MACROD2: variants seen among roughly 807,000 people sequenced by gnomAD.
The protein encoded by MACROD2 is ADP-ribose glycohydrolase MACROD2.
MACROD2 carries 36 observed loss-of-function variants against 70.4 expected under a neutral mutation model. The ratio of observed to expected loss-of-function variants is 0.51; its 90% CI spans 0.39 to 0.68. The LOEUF (loss-of-function observed/expected upper bound fraction) is 0.68. Among genes scored for constraint, MACROD2 ranks in the 30% least tolerant of loss-of-function variants. The probability of loss-of-function intolerance (pLI) is 0.00; values close to 1 mark genes in which losing one functional copy is unlikely to be tolerated. For missense variants in MACROD2, 496 were observed against 538.4 expected (o/e 0.92, Z 0.78); for synonymous variants, 172 against 178.8 (o/e 0.96, Z 0.30).
chr20:15,058,579 G>C (rs530140790), intron 5 of MACROD2, among the ~76,000 whole-genome samples: 3 of 152,156 alleles, frequency 2.0e-5, no homozygotes, highest in African/African-American at 7.2e-5. Context: ...GGCAACTGTA[G>C]GTAGAAGATG....
intron 3 of MACROD2, among the ~76,000 whole-genome samples, chr20:14,282,665 T>G (rs2327844): frequency 0.15 from 22,482 of 152,172 alleles, 2,220 homozygotes; most frequent in South Asian, 0.34. Context: ...GGAAGCGTGG[T>G]GCTGGCACTC....
At chr20:15,387,244 C>A (rs1329438182) in intron 6 of MACROD2, among the ~76,000 whole-genome samples, 1 of 152,004 alleles carries the variant, frequency 6.6e-6, no homozygotes, top group African/African-American at 2.4e-5. Context: ...TAGAGCAGAA[C>A]CTAAAGTCAC....
At chr20:15,760,569 C>G (rs1266021634) in intron 8 of MACROD2, among the ~76,000 whole-genome samples, 1 of 152,144 alleles carries the variant, frequency 6.6e-6, no homozygotes, top group African/African-American at 2.4e-5. Flanking sequence ...TCCTTGCTTC[C>G]CACTGCGGAA....
chr20:14,616,242 A>C (rs1338978942), intron 4 of MACROD2, among the ~76,000 whole-genome samples: 1 of 152,112 alleles, frequency 6.6e-6, no homozygotes, highest in Non-Finnish European at 1.5e-5. Context: ...GTACTAGGCA[A>C]AGCTATGAAA....
At chr20:15,058,580 G>GTAGA (rs745769403) in intron 5 of MACROD2, among the ~76,000 whole-genome samples, 1 of 152,158 alleles carries the variant, frequency 6.6e-6, no homozygotes, top group Non-Finnish European at 1.5e-5. Context: ...GCAACTGTAG[G>GTAGA]TAGAAGATGT....
At chr20:15,743,210 G>A (rs1168278803) in intron 8 of MACROD2, among the ~76,000 whole-genome samples, 2 of 152,116 alleles carry the variant, frequency 1.3e-5, no homozygotes, top group Admixed American at 1.3e-4. Flanking sequence ...GAACATTTCA[G>A]CGGGCAAAGA....
intron 8 of MACROD2, among the ~76,000 whole-genome samples, chr20:15,739,500 C>T (rs1410666036): frequency 1.3e-5 from 2 of 152,034 alleles, no homozygotes; most frequent in East Asian, 1.9e-4. Context: ...AGAAAATAGT[C>T]GTCTCTTAGA....
chr20:14,046,954 T>A (rs2053486490), intron 2 of MACROD2, among the ~76,000 whole-genome samples: 1 of 152,084 alleles, frequency 6.6e-6, no homozygotes, highest in Non-Finnish European at 1.5e-5. Context: ...GTGGTATATC[T>A]ATCTAAGGAT....
chr20:14,065,817 G>A (rs531128356), intron 2 of MACROD2, among the ~76,000 whole-genome samples: 5 of 152,126 alleles, frequency 3.3e-5, no homozygotes, highest in Non-Finnish European at 5.9e-5. Context: ...TGAAAGAGGG[G>A]TTAATATGGT....
chr20:14,048,626 TGTG>T (rs2053513257), intron 2 of MACROD2, among the ~76,000 whole-genome samples: 1 of 152,148 alleles, frequency 6.6e-6, no homozygotes, highest in Non-Finnish European at 1.5e-5. Flanking sequence ...TCCGAAGGAC[TGTG>T]AGCCTATAAT....
At chr20:15,466,649 C>A (rs1458721420) in intron 7 of MACROD2, among the ~76,000 whole-genome samples, 1 of 152,202 alleles carries the variant, frequency 6.6e-6, no homozygotes, top group African/African-American at 2.4e-5. Flanking sequence ...CTCTAACATA[C>A]TTCCTGTGAA....
intron 13 of MACROD2, among the ~76,000 whole-genome samples, chr20:15,982,255 A>T (rs1228377306): frequency 6.6e-6 from 1 of 152,168 alleles, no homozygotes; most frequent in African/African-American, 2.4e-5. Context: ...GTGTTATTGT[A>T]CAAACAAGTT....
chr20:14,096,083 A>C (rs1264705479), intron 3 of MACROD2, among the ~76,000 whole-genome samples: 1 of 152,208 alleles, frequency 6.6e-6, no homozygotes. Flanking sequence ...AGGATGAATT[A>C]AGGTTAAAAA....
intron 8 of MACROD2, among the ~76,000 whole-genome samples, chr20:15,712,745 C>A (rs1401268017): frequency 6.6e-6 from 1 of 152,166 alleles, no homozygotes; most frequent in Non-Finnish European, 1.5e-5. Context: ...ATCACTAGCC[C>A]TGGTAATAAG....
chr20:14,754,399 T>TTAG (rs2071913576), intron 5 of MACROD2, among the ~76,000 whole-genome samples: 1 of 152,188 alleles, frequency 6.6e-6, no homozygotes, highest in Non-Finnish European at 1.5e-5. Flanking sequence ...AGAGATGTTA[T>TTAG]TAACTGTGGT....
At chr20:15,012,786 C>T (rs1443518227) in intron 5 of MACROD2, among the ~76,000 whole-genome samples, 1 of 152,152 alleles carries the variant, frequency 6.6e-6, no homozygotes, top group Admixed American at 6.5e-5. Flanking sequence ...CATTGTTCCA[C>T]CCCAGGGCTG....
At chr20:15,174,603 A>G (rs1167027167) in intron 5 of MACROD2, among the ~76,000 whole-genome samples, 5 of 152,118 alleles carry the variant, frequency 3.3e-5, no homozygotes, top group African/African-American at 4.8e-5. Flanking sequence ...TGGTTGAACT[A>G]GTTTACAGTC....
At chr20:15,794,792 G>T (rs1445258276) in intron 8 of MACROD2, among the ~76,000 whole-genome samples, 1 of 152,146 alleles carries the variant, frequency 6.6e-6, no homozygotes, top group African/African-American at 2.4e-5. Flanking sequence ...AGCTTTAAAA[G>T]TCTCTTTTTT....
intron 6 of MACROD2, among the ~76,000 whole-genome samples, chr20:15,342,929 T>C (rs1030134955): frequency 1.3e-5 from 2 of 152,252 alleles, no homozygotes; most frequent in Non-Finnish European, 2.9e-5. Flanking sequence ...TATCACTTAA[T>C]ATCTTCCAGT....
Sources: allele counts gnomAD v4.1 joint callset (sites outside exome capture counted in the v4.1 genomes callset), GRCh38; gene constraint gnomAD v4.1.1; transcripts MANE v1.5; gene names NCBI Gene and HGNC (gene_info 2026-07-23, HGNC 2026-07-21).